Variants in ATP2B2 observed in about 807,000 individuals in gnomAD.
ATP2B2 encodes ATPase plasma membrane Ca2+ transporting 2.
Under a neutral mutation model 120.0 loss-of-function variants are expected in ATP2B2, and 15 were observed. That is an observed-to-expected ratio of 0.12 (90% confidence interval 0.08 to 0.19). The LOEUF (loss-of-function observed/expected upper bound fraction) is 0.19, where lower values mean the gene tolerates loss of function less well. Ranked by LOEUF, ATP2B2 falls within the 10% of genes least tolerant of loss-of-function variation. The probability of loss-of-function intolerance (pLI) is 1.00; values close to 1 mark genes in which losing one functional copy is unlikely to be tolerated. For synonymous variants in ATP2B2, 694 were observed against 700.3 expected, an observed-to-expected ratio of 0.99 and a Z score of 0.14; for missense variants, 1,045 against 1,719.8, an observed-to-expected ratio of 0.61 and a Z score of 6.94.
intron 2 of ATP2B2, among the ~76,000 whole-genome samples, chr3:10,570,531 C>T (rs925954992): frequency 9.2e-5 from 14 of 152,230 alleles, no homozygotes; most frequent in Non-Finnish European, 1.5e-4. Context: ...CTACTTGTTG[C>T]ACCTGAAACA....
chr3:10,467,349 T>A (rs2064790418), intron 1 of ATP2B2, among the ~76,000 whole-genome samples: 1 of 152,188 alleles, frequency 6.6e-6, no homozygotes, highest in African/African-American at 2.4e-5. Flanking sequence ...CTTGGTGGAC[T>A]CCTATTCACC....
intron 1 of ATP2B2, among the ~76,000 whole-genome samples, chr3:10,659,431 C>G (rs2070722901): frequency 6.6e-6 from 1 of 152,096 alleles, no homozygotes; most frequent in Non-Finnish European, 1.5e-5. Context: ...CAAAAAAAGG[C>G]AGGGGTTGCA....
intron 2 of ATP2B2, among the ~76,000 whole-genome samples, chr3:10,583,071 T>A (rs1030064629): frequency 9.8e-5 from 15 of 152,382 alleles, no homozygotes; most frequent in Admixed American, 3.3e-4. Flanking sequence ...CTGCATTTGC[T>A]TTCTTTCAGA....
At chr3:10,400,258 AT>A (rs748714872) in intron 5 of ATP2B2, among the ~76,000 whole-genome samples, 11 of 152,148 alleles carry the variant, frequency 7.2e-5, no homozygotes, top group Non-Finnish European at 1.2e-4. Context: ...ACTGGGAGTA[AT>A]TTCCAAATGC....
intron 12 of ATP2B2, among the ~76,000 whole-genome samples, chr3:10,365,158 C>T (rs113039239): frequency 2.3e-3 from 355 of 152,364 alleles, no homozygotes; most frequent in African/African-American, 8.2e-3. Context: ...GGCCCTGAGC[C>T]CGCAGAGCAC....
chr3:10,621,346 C>T (rs893196371), intron 1 of ATP2B2, among the ~76,000 whole-genome samples: 4 of 152,222 alleles, frequency 2.6e-5, no homozygotes, highest in Admixed American at 6.5e-5. Flanking sequence ...AGAGCAGTCA[C>T]GGGGCCAGCT....
At chr3:10,685,376 GT>G (rs1368296894) in intron 1 of ATP2B2, among the ~76,000 whole-genome samples, 1 of 152,224 alleles carries the variant, frequency 6.6e-6, no homozygotes, top group African/African-American at 2.4e-5. Flanking sequence ...GAAGCTGTGG[GT>G]TTTGTGGAAG....
chr3:10,388,120 T>C lies in ATP2B2; in HGVS notation c.907+157A>G, dbSNP rs1162120520. 5 of 1,035,488 alleles carry C rather than the reference T, an allele frequency of 4.8e-6. No homozygotes were observed. In the Admixed American group the frequency reaches 9.1e-5, roughly 19 times the overall value. 64.1% of individuals were successfully genotyped at this position (1,035,488 alleles called of 1,614,324 possible). On this transcript the variant is annotated intron_variant, in intron 6 of 22. Transcript: ENST00000360273. Reference sequence around the variant, plus strand: ...GGAGATGGAACAGACAGAGCCTACCTGGCCCATGCAGGCCTTAAGGATGCA... The same window carrying C: ...GGAGATGGAACAGACAGAGCCTACCCGGCCCATGCAGGCCTTAAGGATGCA...
Position 10,613,408 on chromosome 3 carries a change from G to T in ATP2B2, c.-415+6509C>A, listed in dbSNP as rs78459925. Among the ~76,000 whole-genome samples, 692 of 152,258 alleles carry T rather than the reference G, an allele frequency of 4.5e-3. 4 individuals are homozygous for T. The highest frequency in any genetic ancestry group is 0.015 in the African/African-American group (620 of 41,534). On this transcript the variant is annotated intron_variant, in intron 2 of 21. Transcript: ENST00000646379. ...AGTTTGTTGCCAGCTGGTCAGAACT[G>T]CGGGCAGCTTGGGGACCCTCCTGGT...
At chr3:10,424,567 TA>T (rs1575186168) in intron 2 of ATP2B2, among the ~76,000 whole-genome samples, 1 of 152,192 alleles carries the variant, frequency 6.6e-6, no homozygotes. Context: ...TTAGCATAAA[TA>T]AAAATCTTAT....
chr3:10,573,255 AT>A (rs2068168423), intron 2 of ATP2B2, among the ~76,000 whole-genome samples: 1 of 152,198 alleles, frequency 6.6e-6, no homozygotes, highest in African/African-American at 2.4e-5. Flanking sequence ...CACATTAGTA[AT>A]GCAATGAATA....
intron 1 of ATP2B2, among the ~76,000 whole-genome samples, chr3:10,664,801 A>G (rs761046896): frequency 1.3e-5 from 2 of 152,222 alleles, no homozygotes; most frequent in African/African-American, 2.4e-5. Flanking sequence ...GATTTGGGAA[A>G]GAAGGAAACA....
chr3:10,465,766 T>G (rs890328353), intron 1 of ATP2B2, among the ~76,000 whole-genome samples: 7 of 152,238 alleles, frequency 4.6e-5, no homozygotes, highest in Non-Finnish European at 1.0e-4. Context: ...CTGCCACCTC[T>G]GTTTCTTTCT....
Position 10,342,852 on chromosome 3 carries a change from C to T in ATP2B2, c.2817G>A (p.Pro939=), listed in dbSNP as rs151087332. The T allele has an allele frequency of 3.2e-5, 52 of 1,614,024 alleles. No homozygotes were observed. The highest frequency in any genetic ancestry group is 2.7e-4 in the Admixed American group (16 of 60,020). ...PPTETLLLRK[P]YGRNKPLISR... Reference sequence around the variant, plus strand: ...AGATGAGCGGCTTGTTGCGGCCGTACGGCTTCCTCAGCAGCAGGGTCTCCG... The same window carrying T: ...AGATGAGCGGCTTGTTGCGGCCGTATGGCTTCCTCAGCAGCAGGGTCTCCG... Residue 939 remains proline, a synonymous_variant, in exon 19 of 23, where the codon CCG becomes CCA. Coordinates refer to ENST00000360273, the MANE Select transcript of ATP2B2 (RefSeq NM_001001331.4). The surrounding 1 kb of genome is among the most constrained non-coding windows in gnomAD (Gnocchi z 4.4).
Position 10,520,059 on chromosome 3 carries a change from A to G in ATP2B2, c.-320+13980T>C, listed in dbSNP as rs76183219. On this transcript the variant is annotated intron_variant, in intron 3 of 21. Transcript: ENST00000646379. The stretch of plus-strand genomic sequence containing the variant: ...CCTGATCCCTCATGGTCACTGGGAC[A>G]TGCTGCTCTTCCTAAAATCAGCCCT... 3.8e-3 allele frequency among the ~76,000 whole-genome samples: 577 copies of G among 152,350 alleles called. 2 individuals are homozygous for G. Among genetic ancestry groups the G allele is most frequent in the African/African-American group, 0.013 (552 of 41,576 alleles).
At chr3:10,563,460 C>G (rs2067946760) in intron 2 of ATP2B2, among the ~76,000 whole-genome samples, 1 of 152,264 alleles carries the variant, frequency 6.6e-6, no homozygotes, top group Non-Finnish European at 1.5e-5. Flanking sequence ...TGGCTTTCCC[C>G]CTTCCACTCT....
intron 3 of ATP2B2, among the ~76,000 whole-genome samples, chr3:10,529,157 AG>A (rs923615779): frequency 6.6e-6 from 1 of 152,216 alleles, no homozygotes; most frequent in African/African-American, 2.4e-5. Context: ...GAGAGGGAGT[AG>A]GGGCTCCCCA....
intron 1 of ATP2B2, among the ~76,000 whole-genome samples, chr3:10,651,792 G>A (rs905305488): frequency 1.3e-5 from 2 of 152,100 alleles, no homozygotes; most frequent in Admixed American, 6.5e-5. Flanking sequence ...TGGATGAATG[G>A]ATGAAGGTGG....
At chr3:10,595,543 T>C (rs944071301) in intron 2 of ATP2B2, among the ~76,000 whole-genome samples, 8 of 152,176 alleles carry the variant, frequency 5.3e-5, no homozygotes, top group Non-Finnish European at 1.0e-4. Context: ...GGCTCAAAAA[T>C]AGTAGATGAC....
Sources: gnomAD v4.1 joint callset for allele counts (sites outside exome capture counted in the v4.1 genomes callset) on GRCh38, gnomAD v4.1.1 for gene constraint, Gnocchi (gnomAD v3.1) non-coding constraint, MANE v1.5 for transcripts, NCBI Gene and HGNC (gene_info 2026-07-23, HGNC 2026-07-21) for gene names.